Variants in ATP6V1C2 observed in about 807,000 individuals in gnomAD.
ATP6V1C2 encodes the protein V-type proton ATPase subunit C 2.
In ATP6V1C2, 45 loss-of-function variants were observed where a neutral mutation model predicts 56.8. That is an observed-to-expected ratio of 0.79 (90% CI 0.62 to 1.02). The LOEUF (loss-of-function observed/expected upper bound fraction) is 1.02, where lower values mean the gene tolerates loss of function less well. ATP6V1C2 is among the 50% of genes least tolerant of loss of function. ATP6V1C2 has a pLI of 0.00. For synonymous variants in ATP6V1C2, 220 were observed against 201.3 expected (o/e 1.09, Z -0.79); for missense variants, 463 against 519.7 (o/e 0.89, Z 1.06).
intron 3 of ATP6V1C2, among the ~76,000 whole-genome samples, chr2:10,752,738 G>A (rs1199450275): frequency 6.6e-6 from 1 of 152,182 alleles, no homozygotes; most frequent in Admixed American, 6.5e-5. Context: ...GCTCACACCT[G>A]TAATCCCAGC....
rs192126929 is a variant in ATP6V1C2, at chr2:10,764,799, G to A, written c.378+374G>A. 3.8e-4 allele frequency among the ~76,000 whole-genome samples: 58 copies of A among 152,328 alleles called. 1 individual carries two copies. The East Asian group carries it at 6.6e-3, about 17-fold the overall frequency. On this transcript the variant is annotated intron_variant, in intron 5 of 13. Transcript: ENST00000272238. ...AGTCTGTCCAATATGGTGAAACCCT[G>A]TCTCTACTAAAAAATACAAAAATTA... is the stretch of plus-strand genomic sequence containing the variant.
At chr2:10,770,225 C>G (rs1209544543) in intron 6 of ATP6V1C2, among the ~76,000 whole-genome samples, 1 of 152,168 alleles carries the variant, frequency 6.6e-6, no homozygotes, top group Non-Finnish European at 1.5e-5. Flanking sequence ...ATAGAGGAAC[C>G]TTGTCTCTAC....
At chr2:10,775,357 G>C (rs1280906741) in intron 10 of ATP6V1C2, among the ~76,000 whole-genome samples, 1 of 152,226 alleles carries the variant, frequency 6.6e-6, no homozygotes, top group Non-Finnish European at 1.5e-5. Flanking sequence ...GCCCTGCCAG[G>C]AAGGGGTTGC....
At chr2:10,775,095 C>T in intron 10 of ATP6V1C2, 24 bp downstream of exon 10, 1 of 1,581,012 alleles carries the variant, frequency 6.3e-7, no homozygotes, top group Non-Finnish European at 8.7e-7. Context: ...TGAGCAGCTC[C>T]TCCCGCCCCT....
chr2:10,770,651 C>T (rs1440242434), intron 6 of ATP6V1C2, among the ~76,000 whole-genome samples: 2 of 152,220 alleles, frequency 1.3e-5, no homozygotes, highest in Non-Finnish European at 2.9e-5. Context: ...GGTCTAGCCT[C>T]TTCGCTCAAC....
intron 10 of ATP6V1C2, among the ~76,000 whole-genome samples, chr2:10,776,134 G>C (rs117293020): frequency 2.0e-5 from 3 of 152,150 alleles, no homozygotes; most frequent in African/African-American, 4.8e-5. Flanking sequence ...CGGAGCCCCC[G>C]TAGTGGGGTT....
intron 3 of ATP6V1C2, among the ~76,000 whole-genome samples, chr2:10,753,037 C>T (rs1663310270): frequency 1.3e-5 from 2 of 152,068 alleles, no homozygotes; most frequent in Non-Finnish European, 2.9e-5. Context: ...TGGCTAAAAT[C>T]CTACATTTGG....
intron 7 of ATP6V1C2, 24 bp downstream of exon 7, chr2:10,771,961 G>C: frequency 6.2e-7 from 1 of 1,603,770 alleles, no homozygotes; most frequent in Non-Finnish European, 8.5e-7. Context: ...GATCACGAAG[G>C]AAACCGGCCC....
At chr2:10,772,740 C>A in intron 8 of ATP6V1C2, 130 bp downstream of exon 8, 1 of 797,618 alleles carries the variant, frequency 1.3e-6, no homozygotes, top group East Asian at 2.4e-5. Context: ...CCTCTCCTGT[C>A]CCTTGGCCTG....
Position 10,772,642 on chromosome 2 carries a change from C to T in ATP6V1C2, c.638+32C>T, listed in dbSNP as rs766487414. The T allele has an allele frequency of 1.1e-5, 18 of 1,590,148 alleles. No homozygotes were observed. In the Admixed American group the frequency reaches 3.0e-4, roughly 27 times the overall value. ...GAGACCCCAGCTTGGTCCCAGGGCC[C>T]CTGGGGTACATGTGTGGGTGCTTCA... On this transcript the variant is annotated intron_variant, in intron 8 of 13. Coordinates refer to ENST00000272238, the MANE Select transcript of ATP6V1C2 (RefSeq NM_001039362.2).
intron 3 of ATP6V1C2, among the ~76,000 whole-genome samples, chr2:10,740,492 G>C (rs1558393928): frequency 6.6e-6 from 1 of 152,178 alleles, no homozygotes; most frequent in African/African-American, 2.4e-5. Flanking sequence ...ATTGTTCTCA[G>C]TGGCTAAGCT....
At chr2:10,770,790 C>T (rs774931378) in intron 6 of ATP6V1C2, among the ~76,000 whole-genome samples, 14 of 152,250 alleles carry the variant, frequency 9.2e-5, no homozygotes, top group Admixed American at 5.2e-4. Flanking sequence ...CCCTCCTCTG[C>T]GCTCTCTTTT....
At chr2:10,723,954 G>T (rs1411590989) in intron 2 of ATP6V1C2, among the ~76,000 whole-genome samples, 1 of 151,932 alleles carries the variant, frequency 6.6e-6, no homozygotes, top group Non-Finnish European at 1.5e-5. Flanking sequence ...TAGAGATGGG[G>T]TTTCACCATG....
intron 4 of ATP6V1C2, among the ~76,000 whole-genome samples, chr2:10,762,437 C>G (rs1201295234): frequency 4.6e-5 from 7 of 152,090 alleles, no homozygotes; most frequent in African/African-American, 1.7e-4. Flanking sequence ...AGCCACCACG[C>G]CCGGCAAAGC....
At chr2:10,734,934 A>G (rs1333105128) in intron 3 of ATP6V1C2, among the ~76,000 whole-genome samples, 5 of 152,098 alleles carry the variant, frequency 3.3e-5, no homozygotes, top group Non-Finnish European at 7.4e-5. Flanking sequence ...TAATACAAAA[A>G]ATTAGCCAGG....
intron 4 of ATP6V1C2, among the ~76,000 whole-genome samples, chr2:10,761,851 C>T (rs1178727284): frequency 6.6e-6 from 1 of 152,240 alleles, no homozygotes; most frequent in Non-Finnish European, 1.5e-5. Flanking sequence ...TTAATTCCAA[C>T]ACCAGCATCC....
chr2:10,726,631 G>C, intron 3 of ATP6V1C2, 62 bp downstream of exon 3: 1 of 1,473,784 alleles, frequency 6.8e-7, no homozygotes, highest in Non-Finnish European at 9.5e-7. Flanking sequence ...AGAGGACACA[G>C]TGTTCTTGCT....
chr2:10,782,169 G>C, intron 12 of ATP6V1C2, 74 bp from the exon 13 acceptor site: 1 of 1,566,228 alleles, frequency 6.4e-7, no homozygotes, highest in African/African-American at 1.4e-5. Flanking sequence ...GGAATGTACT[G>C]TTTCTGGTCA....
rs1558434644 is a variant in ATP6V1C2 at position 10,784,186 on chromosome 2, T to C, written c.*923T>C. 2.6e-6 allele frequency: 3 copies of C among 1,136,916 alleles called. No homozygotes were observed. In the East Asian group the frequency reaches 7.1e-5, roughly 27 times the overall value. 70.4% of individuals were successfully genotyped at this position (1,136,916 alleles called of 1,614,324 possible). A position where few individuals can be genotyped will look rare whatever the true frequency, so the allele number is the denominator to read the frequency against. On this transcript the variant is annotated 3_prime_UTR_variant, in exon 14 of 14. Transcript: ENST00000272238. Reference sequence around the variant, plus strand: ...GGTAGAGTCATCTGAGTGTAGAGAATGTCCCTTCACTGCTGGAAAAATCCA... The same window carrying C: ...GGTAGAGTCATCTGAGTGTAGAGAACGTCCCTTCACTGCTGGAAAAATCCA...
Sources: allele counts gnomAD v4.1 joint callset (sites outside exome capture counted in the v4.1 genomes callset), GRCh38; gene constraint gnomAD v4.1.1; transcripts MANE v1.5; gene names NCBI Gene and HGNC (gene_info 2026-07-23, HGNC 2026-07-21).